TBC1D5: variants seen among roughly 807,000 people sequenced by gnomAD.
TBC1D5 encodes TBC1 domain family, member 5.
In TBC1D5, 75 loss-of-function variants were observed where a neutral mutation model predicts 100.3. That is an observed-to-expected ratio of 0.75 (90% CI 0.62 to 0.91). The LOEUF (loss-of-function observed/expected upper bound fraction) is 0.91. TBC1D5 is among the 40% of genes least tolerant of loss of function. The pLI, the probability that TBC1D5 is intolerant of heterozygous loss-of-function variation, is 0.00. For synonymous variants in TBC1D5, 323 were observed against 325.6 expected (o/e 0.99, Z 0.09); for missense variants, 910 against 942.4 (o/e 0.97, Z 0.45).
At position 17,500,903 on chromosome 3, in the gene TBC1D5, C is replaced by T. The variant is rs1049806352; in HGVS notation, c.97+7571G>A. ...CTCATGGTCTTTCAAACTGAAGTCT[C>T]TCATATCCAACTTTTTTTTGAACAG... is the stretch of plus-strand genomic sequence containing the variant. On this transcript the variant is annotated intron_variant, in intron 3 of 21. Coordinates refer to ENST00000253692, the Ensembl canonical transcript of TBC1D5. 6.7e-5 allele frequency among the ~76,000 whole-genome samples: 10 copies of T among 149,368 alleles called. 1 individual carries two copies. Among genetic ancestry groups the T allele is most frequent in the African/African-American group, 2.5e-4 (10 of 39,272 alleles).
chr3:17,355,752 T>C (rs1240461511), intron 13 of TBC1D5, among the ~76,000 whole-genome samples: 2 of 152,122 alleles, frequency 1.3e-5, no homozygotes, highest in Non-Finnish European at 2.9e-5. Context: ...GTACTGTGTT[T>C]TGAGGGTTTT....
At chr3:17,581,177 A>G (rs1166202848) in intron 2 of TBC1D5, among the ~76,000 whole-genome samples, 1 of 152,174 alleles carries the variant, frequency 6.6e-6, no homozygotes, top group African/African-American at 2.4e-5. Flanking sequence ...GCCATGTAAC[A>G]CAGGTCTTTG....
At chr3:17,639,869 G>A (rs2064327816) in intron 1 of TBC1D5, among the ~76,000 whole-genome samples, 1 of 152,016 alleles carries the variant, frequency 6.6e-6, no homozygotes, top group South Asian at 2.1e-4. Flanking sequence ...GAAACTTCTG[G>A]CTCCCTAAAG....
chr3:17,367,878 T>C (rs555327767), intron 13 of TBC1D5, among the ~76,000 whole-genome samples: 1 of 151,456 alleles, frequency 6.6e-6, no homozygotes, highest in South Asian at 2.1e-4. Context: ...AGAAAAAAGA[T>C]GTTAATTATT....
chr3:17,663,853 G>C (rs188760685), intron 1 of TBC1D5, among the ~76,000 whole-genome samples: 1 of 152,034 alleles, frequency 6.6e-6, no homozygotes, highest in Non-Finnish European at 1.5e-5. Context: ...AGAATGTTAT[G>C]CAACTATTAA....
chr3:17,383,239 A>T (rs1479472357), intron 9 of TBC1D5, among the ~76,000 whole-genome samples: 1 of 151,894 alleles, frequency 6.6e-6, no homozygotes, highest in African/African-American at 2.4e-5. Context: ...TTATTAGAGA[A>T]TTTAAGAATT....
At chr3:17,646,779 T>G (rs2065057524) in intron 1 of TBC1D5, among the ~76,000 whole-genome samples, 1 of 151,570 alleles carries the variant, frequency 6.6e-6, no homozygotes, top group African/African-American at 2.4e-5. Flanking sequence ...TAAAGTCTGA[T>G]TTTTTTTTAA....
At chr3:17,428,455 G>A (rs556866421) in exon 4 of TBC1D5, 2 of 1,366,596 alleles carry the variant, frequency 1.5e-6, no homozygotes, top group Non-Finnish European at 1.9e-6. Flanking sequence ...CCTACCTATA[G>A]GAATTAAAAG....
chr3:17,500,588 G>A (rs2095773993), intron 3 of TBC1D5, among the ~76,000 whole-genome samples: 1 of 149,354 alleles, frequency 6.7e-6, no homozygotes, highest in Admixed American at 6.6e-5. Flanking sequence ...ACCAAATCAT[G>A]TATTTCCTCC....
intron 3 of TBC1D5, among the ~76,000 whole-genome samples, chr3:17,462,979 T>C (rs1030904626): frequency 6.6e-6 from 1 of 152,196 alleles, no homozygotes; most frequent in African/African-American, 2.4e-5. Context: ...TAGTCCACTA[T>C]GTCAGAAAGC....
intron 19 of TBC1D5, among the ~76,000 whole-genome samples, chr3:17,178,116 A>G (rs1206351513): frequency 2.2e-5 from 3 of 135,384 alleles, no homozygotes; most frequent in African/African-American, 8.7e-5. Flanking sequence ...CCCAGGCTGG[A>G]GTGCAGTGGC....
At chr3:17,264,856 A>G (rs760042771) in intron 15 of TBC1D5, among the ~76,000 whole-genome samples, 2 of 152,224 alleles carry the variant, frequency 1.3e-5, no homozygotes, top group Non-Finnish European at 2.9e-5. Context: ...GATACCACTG[A>G]GCACTGACAG....
Position 17,184,849 on chromosome 3 carries a change from C to T in TBC1D5, c.1852+260G>A, listed in dbSNP as rs970850528. ...TGAGCCACGGCATCCAGCTTATAATCGGATTGCTTGATTTTGAATTTCCAC... is the reference window on the plus strand; with the variant it reads ...TGAGCCACGGCATCCAGCTTATAATTGGATTGCTTGATTTTGAATTTCCAC... On this transcript the variant is annotated intron_variant, in intron 19 of 21. Coordinates refer to ENST00000253692, the Ensembl canonical transcript of TBC1D5. 4.0e-5 allele frequency: 9 copies of T among 223,700 alleles called. No individual in the cohort carries two copies. The East Asian group carries it at 5.9e-4, about 15-fold the overall frequency. 13.9% of individuals were successfully genotyped at this position (223,700 alleles called of 1,614,324 possible). A position where few individuals can be genotyped will look rare whatever the true frequency, so the allele number is the denominator to read the frequency against.
At chr3:17,430,178 A>G (rs2094422303) in intron 3 of TBC1D5, among the ~76,000 whole-genome samples, 1 of 151,792 alleles carries the variant, frequency 6.6e-6, no homozygotes, top group Non-Finnish European at 1.5e-5. Flanking sequence ...AAAATTTCCT[A>G]CAACACATGT....
chr3:17,309,812 A>G (rs2083798584), intron 13 of TBC1D5, among the ~76,000 whole-genome samples: 1 of 152,164 alleles, frequency 6.6e-6, no homozygotes, highest in Non-Finnish European at 1.5e-5. Context: ...ACAGCAAAAA[A>G]GTACATGAAC....
chr3:17,256,666 A>G (rs2077720507), intron 16 of TBC1D5, among the ~76,000 whole-genome samples: 1 of 152,170 alleles, frequency 6.6e-6, no homozygotes, highest in Non-Finnish European at 1.5e-5. Flanking sequence ...TATACCAGTC[A>G]TCATTGTCCT....
chr3:17,316,616 C>T (rs534447314), intron 13 of TBC1D5, among the ~76,000 whole-genome samples: 46 of 152,306 alleles, frequency 3.0e-4, no homozygotes, highest in African/African-American at 9.6e-4. Context: ...TTCAAAGTAT[C>T]GTTCTTGCAT....
chr3:17,710,274 A>AT, intron 1 of TBC1D5, among the ~76,000 whole-genome samples: 1 of 152,284 alleles, frequency 6.6e-6, no homozygotes, highest in Non-Finnish European at 1.5e-5. Context: ...AAATATATTG[A>AT]TAAAAATAGG....
intron 9 of TBC1D5, among the ~76,000 whole-genome samples, 184 bp downstream of exon 9, chr3:17,383,729 A>G (rs1056305780): frequency 2.0e-5 from 3 of 151,234 alleles, no homozygotes; most frequent in Non-Finnish European, 2.9e-5. Context: ...ATAATGAGGA[A>G]GAAGCATATG....
Sources: gnomAD v4.1 joint callset for allele counts (sites outside exome capture counted in the v4.1 genomes callset) on GRCh38, gnomAD v4.1.1 for gene constraint, MANE v1.5 for transcripts, NCBI Gene and HGNC (gene_info 2026-07-23, HGNC 2026-07-21) for gene names.